Variants in IPCEF1 observed in about 807,000 individuals in gnomAD.
The protein encoded by IPCEF1 is interactor protein for cytohesin exchange factors 1.
A neutral mutation model predicts 50.9 loss-of-function variants in IPCEF1; 31 were observed. The observed-to-expected ratio is 0.61, with a 90% CI of 0.46 to 0.82. The LOEUF is 0.82. Among genes scored for constraint, IPCEF1 ranks in the 40% least tolerant of loss-of-function variants. The pLI, the probability that IPCEF1 is intolerant of heterozygous loss-of-function variation, is 0.00. For synonymous variants in IPCEF1, 181 were observed against 192.0 expected, an observed-to-expected ratio of 0.94 and a Z score of 0.47; for missense variants, 458 against 514.0, an observed-to-expected ratio of 0.89 and a Z score of 1.05.
chr6:154,165,139 C>A (rs778345061), intron 11 of IPCEF1, among the ~76,000 whole-genome samples: 3 of 152,106 alleles, frequency 2.0e-5, no homozygotes, highest in Non-Finnish European at 2.9e-5. Flanking sequence ...ATGATATATT[C>A]TCTGTGCAAT....
chr6:154,244,299 T>TGGGG (rs1166657406), intron 5 of IPCEF1, among the ~76,000 whole-genome samples: 1 of 68,356 alleles, frequency 1.5e-5, no homozygotes, highest in African/African-American at 6.2e-5. Flanking sequence ...TGTGTGTGGG[T>TGGGG]GGGTGTGTGT....
chr6:154,268,171 C>A, intron 2 of IPCEF1, among the ~76,000 whole-genome samples: 1 of 152,338 alleles, frequency 6.6e-6, no homozygotes, highest in Admixed American at 6.5e-5. Context: ...CCCATCAGAG[C>A]AGGCACTGAC....
At chr6:154,216,034 A>G (rs1778365418) in intron 7 of IPCEF1, among the ~76,000 whole-genome samples, 2 of 152,324 alleles carry the variant, frequency 1.3e-5, no homozygotes, top group Admixed American at 1.3e-4. Flanking sequence ...AAACATGAAA[A>G]CTGATACAGC....
intron 9 of IPCEF1, among the ~76,000 whole-genome samples, chr6:154,203,506 G>C (rs1777240878): frequency 6.6e-6 from 1 of 152,124 alleles, no homozygotes; most frequent in South Asian, 2.1e-4. Context: ...ATGACTAAAT[G>C]GGGATGAAGA....
chr6:154,310,677 AAAG>A (rs201471550), intron 1 of IPCEF1, among the ~76,000 whole-genome samples: 1,930 of 152,356 alleles, frequency 0.013, 22 homozygotes, highest in South Asian at 0.023. Flanking sequence ...CAGACCTAAA[AAAG>A]AAGGAGAGTC....
At chr6:154,163,124 G>A (rs73565392) in intron 11 of IPCEF1, among the ~76,000 whole-genome samples, 3,559 of 152,154 alleles carry the variant, frequency 0.023, 97 homozygotes, top group African/African-American at 0.065. Flanking sequence ...CCTTCCAGAG[G>A]GTCACTGTCT....
intron 1 of IPCEF1, among the ~76,000 whole-genome samples, chr6:154,346,068 C>A (rs979123079): frequency 1.3e-5 from 2 of 152,082 alleles, no homozygotes; most frequent in African/African-American, 4.8e-5. Context: ...CAGGGTTTCA[C>A]CATGTTTCCC....
intron 2 of IPCEF1, among the ~76,000 whole-genome samples, chr6:154,275,927 C>T (rs1038321788): frequency 4.6e-5 from 7 of 152,104 alleles, no homozygotes; most frequent in South Asian, 2.1e-4. Flanking sequence ...CGCCTGTAAT[C>T]CTAGCACTTT....
At chr6:154,348,023 G>A (rs548136718) in intron 1 of IPCEF1, among the ~76,000 whole-genome samples, 3 of 152,194 alleles carry the variant, frequency 2.0e-5, no homozygotes, top group South Asian at 4.2e-4. Context: ...ATCAGGAGTC[G>A]CTGAGCCTTC....
At chr6:154,206,280 T>C (rs537770234) in intron 9 of IPCEF1, among the ~76,000 whole-genome samples, 2 of 152,240 alleles carry the variant, frequency 1.3e-5, no homozygotes, top group Non-Finnish European at 2.9e-5. Flanking sequence ...ACAAGATTTC[T>C]GTGAGAGTCA....
intron 1 of IPCEF1, among the ~76,000 whole-genome samples, chr6:154,348,770 G>A (rs2499637): frequency 0.33 from 50,061 of 152,084 alleles, 9,152 homozygotes; most frequent in Middle Eastern, 0.45. Flanking sequence ...CACTCCCAGC[G>A]AATAAACAGC....
intron 1 of IPCEF1, among the ~76,000 whole-genome samples, chr6:154,315,049 T>A (rs150860835): frequency 1.6e-4 from 25 of 152,242 alleles, no homozygotes; most frequent in African/African-American, 5.1e-4. Context: ...ACCAGCTAAC[T>A]TTTTTGTATT....
At chr6:154,252,903 C>A (rs1309155106) in intron 3 of IPCEF1, among the ~76,000 whole-genome samples, 5 of 152,134 alleles carry the variant, frequency 3.3e-5, no homozygotes, top group African/African-American at 1.2e-4. Context: ...CAGAGATTGC[C>A]ACAGACCTCC....
In IPCEF1 at chr6:154,158,597, T is replaced by A. The variant is rs1311912404; in HGVS notation, c.*1231A>T. The A allele has an allele frequency of 1.3e-5, 2 of 152,116 alleles. No homozygotes were observed. The highest frequency in any genetic ancestry group is 4.8e-5 in the African/African-American group (2 of 41,436). 9.4% of individuals were successfully genotyped at this position (152,116 alleles called of 1,614,324 possible). ...ATGGGGGTTGGGGTGGGGAAGAAAA[T>A]GAAAAATTATGAATGCATGCCCCAT... On this transcript the variant is annotated 3_prime_UTR_variant, in exon 12 of 12. Transcript: ENST00000367220.
At chr6:154,245,150 C>T (rs1326363665) in intron 5 of IPCEF1, among the ~76,000 whole-genome samples, 2 of 151,882 alleles carry the variant, frequency 1.3e-5, no homozygotes, top group East Asian at 1.9e-4. Flanking sequence ...ACATGCTAGA[C>T]AAGATGAAGA....
intron 5 of IPCEF1, among the ~76,000 whole-genome samples, chr6:154,244,287 T>G (rs1009411674): frequency 1.9e-5 from 2 of 107,846 alleles, no homozygotes; most frequent in African/African-American, 8.2e-5. Context: ...TAAGATTCGG[T>G]GTGTGTGTGG....
At chr6:154,207,592 G>A (rs941839684) in intron 9 of IPCEF1, among the ~76,000 whole-genome samples, 2 of 151,408 alleles carry the variant, frequency 1.3e-5, no homozygotes, top group African/African-American at 2.4e-5. Flanking sequence ...CTGTAAAGAC[G>A]GGGTTTCACC....
intron 10 of IPCEF1, among the ~76,000 whole-genome samples, chr6:154,192,738 C>A (rs1295611205): frequency 6.6e-6 from 1 of 152,056 alleles, no homozygotes; most frequent in African/African-American, 2.4e-5. Context: ...AGAAGACATA[C>A]AAATGGCCAA....
At chr6:154,232,433 C>CT (rs1206025535) in intron 5 of IPCEF1, among the ~76,000 whole-genome samples, 1 of 152,062 alleles carries the variant, frequency 6.6e-6, no homozygotes, top group African/African-American at 2.4e-5. Context: ...TGATCACAGC[C>CT]TTAAGAGGAA....
Sources: gnomAD v4.1 joint callset for allele counts (sites outside exome capture counted in the v4.1 genomes callset) on GRCh38, gnomAD v4.1.1 for gene constraint, MANE v1.5 for transcripts, NCBI Gene and HGNC (gene_info 2026-07-23, HGNC 2026-07-21) for gene names.